NTM: variants seen among roughly 807,000 people sequenced by gnomAD.
The protein encoded by NTM is neurotrimin.
Under a neutral mutation model 42.1 loss-of-function variants are expected in NTM, and 13 were observed. The observed-to-expected ratio is 0.31, with a 90% confidence interval of 0.20 to 0.49. The LOEUF (loss-of-function observed/expected upper bound fraction) is 0.49, where lower values mean the gene tolerates loss of function less well. Among genes scored for constraint, NTM ranks in the 20% least tolerant of loss-of-function variants. The pLI is 0.99. For missense variants in NTM, 373 were observed against 452.8 expected, an observed-to-expected ratio of 0.82 and a Z score of 1.60; for synonymous variants, 187 against 179.2, an observed-to-expected ratio of 1.04 and a Z score of -0.35.
At chr11:132,319,919 T>A (rs2095521752) in intron 7 of NTM, among the ~76,000 whole-genome samples, 1 of 152,136 alleles carries the variant, frequency 6.6e-6, no homozygotes, top group African/African-American at 2.4e-5. Context: ...TGAGACAAAC[T>A]TCCAGAGGAA....
At chr11:131,589,777 T>C (rs2059207938) in intron 1 of NTM, among the ~76,000 whole-genome samples, 1 of 152,174 alleles carries the variant, frequency 6.6e-6, no homozygotes, top group Non-Finnish European at 1.5e-5. Context: ...GCTGAGGAGA[T>C]GAAAGCAAAG....
chr11:131,937,726 A>G (rs1378845293), intron 2 of NTM, among the ~76,000 whole-genome samples: 7 of 152,156 alleles, frequency 4.6e-5, no homozygotes, highest in African/African-American at 1.7e-4. Flanking sequence ...GATAAATTAT[A>G]ATTTTTTACT....
intron 1 of NTM, among the ~76,000 whole-genome samples, chr11:131,910,444 G>T (rs1232583974): frequency 1.3e-5 from 2 of 151,274 alleles, no homozygotes; most frequent in Non-Finnish European, 3.0e-5. Context: ...CCGGCGCGGC[G>T]GGGGTTAAGG....
chr11:131,568,734 G>A (rs895270344), intron 1 of NTM, among the ~76,000 whole-genome samples: 4 of 152,084 alleles, frequency 2.6e-5, no homozygotes, highest in Non-Finnish European at 4.4e-5. Context: ...TTCCACCACG[G>A]CCAGTTGAGT....
intron 1 of NTM, among the ~76,000 whole-genome samples, chr11:131,525,401 C>T (rs390812): frequency 0.18 from 27,148 of 152,024 alleles, 2,480 homozygotes; most frequent in Middle Eastern, 0.23. Flanking sequence ...GGTTTGCAGG[C>T]GAGACAAGGG....
At chr11:131,410,655 A>T (rs114116148) in intron 1 of NTM, among the ~76,000 whole-genome samples, 1 of 151,900 alleles carries the variant, frequency 6.6e-6, no homozygotes, top group African/African-American at 2.4e-5. Context: ...ATGTCGCCTT[A>T]ACGGAAGAAT....
At chr11:132,138,607 T>C (rs2068448773) in intron 2 of NTM, among the ~76,000 whole-genome samples, 1 of 74,450 alleles carries the variant, frequency 1.3e-5, no homozygotes, top group Non-Finnish European at 3.8e-5. Context: ...TCTATCTATC[T>C]ATCTATCTAT....
At chr11:132,205,431 A>G (rs986816586) in intron 3 of NTM, among the ~76,000 whole-genome samples, 4 of 152,364 alleles carry the variant, frequency 2.6e-5, no homozygotes, top group Middle Eastern at 3.4e-3. Context: ...TCCTCAGAAT[A>G]CTGTTTTAAT....
intron 2 of NTM, among the ~76,000 whole-genome samples, chr11:132,058,316 G>A (rs1453234101): frequency 3.9e-5 from 6 of 152,178 alleles, no homozygotes. Context: ...CGTGGAATGT[G>A]CTATGGGGCA....
intron 1 of NTM, among the ~76,000 whole-genome samples, chr11:131,883,792 G>A (rs1385520327): frequency 6.6e-6 from 1 of 152,108 alleles, no homozygotes; most frequent in Non-Finnish European, 1.5e-5. Flanking sequence ...TGATTTTCAA[G>A]GTAAACTTCA....
chr11:131,562,484 A>G (rs2056364714), intron 1 of NTM, among the ~76,000 whole-genome samples: 1 of 151,980 alleles, frequency 6.6e-6, no homozygotes, highest in African/African-American at 2.4e-5. Flanking sequence ...TGGAGGGGAG[A>G]GTTCCTGGGT....
intron 1 of NTM, among the ~76,000 whole-genome samples, chr11:131,699,203 A>C (rs1415695366): frequency 6.6e-6 from 1 of 152,236 alleles, no homozygotes; most frequent in African/African-American, 2.4e-5. Context: ...AGCTCAGTCT[A>C]GGAAGAGAAG....
intron 2 of NTM, among the ~76,000 whole-genome samples, chr11:131,965,785 A>C (rs1163421080): frequency 2.0e-5 from 3 of 152,218 alleles, no homozygotes; most frequent in Non-Finnish European, 4.4e-5. Context: ...TCAGTGGACT[A>C]TCAGCTAATT....
At chr11:131,620,594 C>T (rs942919800) in intron 1 of NTM, among the ~76,000 whole-genome samples, 6 of 152,178 alleles carry the variant, frequency 3.9e-5, no homozygotes, top group African/African-American at 1.4e-4. Context: ...CAGGCATAAT[C>T]CTGCCTCAGG....
At chr11:131,933,546 T>A (rs1047744980) in intron 2 of NTM, among the ~76,000 whole-genome samples, 5 of 152,168 alleles carry the variant, frequency 3.3e-5, no homozygotes, top group African/African-American at 1.2e-4. Flanking sequence ...GCAGTCAGTT[T>A]CCTTGTGCTG....
chr11:132,215,467 T>C (rs1446238444), intron 4 of NTM, among the ~76,000 whole-genome samples: 1 of 152,120 alleles, frequency 6.6e-6, no homozygotes, highest in Non-Finnish European at 1.5e-5. Flanking sequence ...TGGAAAGGAG[T>C]ACAGAAATGT....
At chr11:131,794,454 G>T in intron 1 of NTM, 2 of 984,864 alleles carry the variant, frequency 2.0e-6, no homozygotes, top group Non-Finnish European at 1.2e-6. Flanking sequence ...CACATGAGGC[G>T]TTTGCCTTTC....
intron 1 of NTM, among the ~76,000 whole-genome samples, chr11:131,757,056 G>T (rs1292020554): frequency 6.6e-6 from 1 of 152,182 alleles, no homozygotes; most frequent in African/African-American, 2.4e-5. Flanking sequence ...TTCAGCAGGG[G>T]CAGCCTGTCT....
intron 1 of NTM, among the ~76,000 whole-genome samples, chr11:131,577,298 A>G (rs929942881): frequency 1.3e-5 from 2 of 152,210 alleles, no homozygotes; most frequent in Non-Finnish European, 2.9e-5. Context: ...AAAAATGACA[A>G]GGATTCTTTG....
Sources: gnomAD v4.1 joint callset for allele counts (sites outside exome capture counted in the v4.1 genomes callset) on GRCh38, gnomAD v4.1.1 for gene constraint, MANE v1.5 for transcripts, NCBI Gene and HGNC (gene_info 2026-07-23, HGNC 2026-07-21) for gene names.